The following CHN2 variants were observed in gnomAD, a reference collection of about 807,000 sequenced individuals.
CHN2 encodes the protein beta-chimaerin.
In CHN2, 35 loss-of-function variants were observed where a neutral mutation model predicts 56.3. The observed-to-expected ratio is 0.62, with a 90% CI of 0.47 to 0.82. The LOEUF is 0.82. CHN2 is among the 40% of genes least tolerant of loss of function. The pLI is 0.00. For synonymous variants in CHN2, 210 were observed against 212.8 expected (o/e 0.99, Z 0.12); for missense variants, 491 against 580.5 (o/e 0.85, Z 1.58).
At position 29,211,268 on chromosome 7, in the gene CHN2, T is replaced by C. The variant is rs553686664; in HGVS notation, c.49+16278T>C. Among the ~76,000 whole-genome samples the C allele has an allele frequency of 1.4e-4, 21 of 150,946 alleles. No individual in the cohort carries two copies. The East Asian group carries it at 2.9e-3, about 21-fold the overall frequency. Reference sequence around the variant, plus strand: ...TGTATTTTTTTTTTTTTAGTAGAGATGGGGTTTCACCATGTTAGCCGGGAT... The same window carrying C: ...TGTATTTTTTTTTTTTTAGTAGAGACGGGGTTTCACCATGTTAGCCGGGAT... On this transcript the variant is annotated intron_variant, in intron 1 of 12. Transcript: ENST00000222792.
intron 3 of CHN2, among the ~76,000 whole-genome samples, chr7:29,384,142 G>A (rs2128062027): frequency 6.6e-6 from 1 of 152,282 alleles, no homozygotes; most frequent in East Asian, 1.9e-4. Context: ...TAGGTGTGAT[G>A]AGTGTGATGA....
At chr7:29,457,912 A>G (rs1784884763) in intron 6 of CHN2, among the ~76,000 whole-genome samples, 1 of 152,184 alleles carries the variant, frequency 6.6e-6, no homozygotes, top group Non-Finnish European at 1.5e-5. Context: ...ATGCTTACCC[A>G]TGACTCAGTG....
chr7:29,204,099 G>A (rs984179610), intron 1 of CHN2, among the ~76,000 whole-genome samples: 57 of 151,484 alleles, frequency 3.8e-4, no homozygotes, highest in Admixed American at 1.7e-3. Context: ...GTGTGTGTGT[G>A]TGTGTGTGTG....
chr7:29,473,918 T>C (rs1786368352), intron 6 of CHN2, among the ~76,000 whole-genome samples: 1 of 152,162 alleles, frequency 6.6e-6, no homozygotes, highest in Non-Finnish European at 1.5e-5. Context: ...ATAATATACT[T>C]TAAAAATCAT....
chr7:29,326,258 A>C (rs771902720), intron 1 of CHN2, among the ~76,000 whole-genome samples: 2 of 152,140 alleles, frequency 1.3e-5, no homozygotes, highest in Non-Finnish European at 2.9e-5. Context: ...CCTGGGTTAA[A>C]GCGATTCTCC....
intron 7 of CHN2, 85 bp downstream of exon 7, chr7:29,480,441 G>A: frequency 3.0e-6 from 4 of 1,349,422 alleles, no homozygotes; most frequent in Non-Finnish European, 4.2e-6. Context: ...GTTTCTGACT[G>A]TAAAGTCAAG....
At chr7:29,430,323 G>C (rs1782748039) in intron 6 of CHN2, among the ~76,000 whole-genome samples, 1 of 152,174 alleles carries the variant, frequency 6.6e-6, no homozygotes, top group Non-Finnish European at 1.5e-5. Flanking sequence ...GAAGATTGCT[G>C]TTCCATCACA....
chr7:29,409,481 A>G (rs57991527), intron 6 of CHN2, among the ~76,000 whole-genome samples: 63,136 of 152,040 alleles, frequency 0.42, 13,345 homozygotes, highest in African/African-American at 0.48. Context: ...ATTTTTGTAA[A>G]TCTCTTTAGT....
chr7:29,348,344 C>T (rs1387819721), intron 1 of CHN2, among the ~76,000 whole-genome samples: 1 of 152,186 alleles, frequency 6.6e-6, no homozygotes, highest in Admixed American at 6.5e-5. Context: ...AAGTCTTAAC[C>T]TGCACTTCCA....
chr7:29,371,941 G>A (rs765615604), intron 3 of CHN2, among the ~76,000 whole-genome samples: 9 of 151,950 alleles, frequency 5.9e-5, no homozygotes, highest in Middle Eastern at 3.2e-3. Flanking sequence ...CCTCCCACCT[G>A]ATCTCCCTGC....
At chr7:29,306,070 C>T (rs1389523135) in intron 1 of CHN2, among the ~76,000 whole-genome samples, 1 of 152,126 alleles carries the variant, frequency 6.6e-6, no homozygotes. Flanking sequence ...ACAAGTATCT[C>T]AGGATGTTCC....
intron 1 of CHN2, chr7:29,200,822 A>G (rs963680692): frequency 6.6e-6 from 1 of 152,134 alleles, no homozygotes; most frequent in Non-Finnish European, 1.5e-5. Context: ...GGCCGGCCCT[A>G]TAGGTAGGGT....
chr7:29,461,919 C>T (rs1302076964), intron 6 of CHN2, among the ~76,000 whole-genome samples: 2 of 151,998 alleles, frequency 1.3e-5, no homozygotes, highest in Admixed American at 6.6e-5. Context: ...CTCATACATA[C>T]ATATAATAAA....
intron 1 of CHN2, among the ~76,000 whole-genome samples, chr7:29,222,888 T>C (rs1011855241): frequency 1.3e-5 from 2 of 152,124 alleles, no homozygotes; most frequent in Admixed American, 6.5e-5. Context: ...TGATATTGGC[T>C]CAAGGATACA....
chr7:29,324,420 A>C (rs906407310), intron 1 of CHN2, among the ~76,000 whole-genome samples: 1 of 152,210 alleles, frequency 6.6e-6, no homozygotes, highest in Non-Finnish European at 1.5e-5. Flanking sequence ...CGCTTGGCCC[A>C]AAAGCCCAGG....
At position 29,510,684 on chromosome 7, in the gene CHN2, A is replaced by AGTCT. The variant is rs1460594369; in HGVS notation, c.1235+1279_1235+1282dup. 1.4e-4 allele frequency among the ~76,000 whole-genome samples: 21 copies of AGTCT among 152,204 alleles called. 1 individual carries two copies. Among genetic ancestry groups the AGTCT allele is most frequent in the Admixed American group, 1.4e-3 (21 of 15,290 alleles). The stretch of plus-strand genomic sequence containing the variant: ...AGCAAGAGCACCCAATATGAGAGAC[A>AGTCT]GTCTTTTTGTAAGCTAATCTCAGAA... On this transcript the variant is annotated intron_variant, in intron 12 of 12. Coordinates refer to ENST00000222792, the MANE Select transcript of CHN2 (RefSeq NM_004067.4).
chr7:29,194,802 C>A lies in CHN2; in HGVS notation c.-140C>A. The A allele has an allele frequency of 1.5e-6, 1 of 649,064 alleles. No individual in the cohort carries two copies. The allele number at this position is 649,064 out of a possible 1,614,324, so 40.2% of individuals were successfully genotyped here. A position where few individuals can be genotyped will look rare whatever the true frequency, so the allele number is the denominator to read the frequency against. On this transcript the variant is annotated 5_prime_UTR_variant, in exon 1 of 13. Transcript: ENST00000222792. ...TGGAGCAGGAAGTGCAGGCAGAGTC[C>A]GGAGGCTGGTGCTTTCTGCGCGTCC... is the stretch of plus-strand genomic sequence containing the variant.
intron 6 of CHN2, among the ~76,000 whole-genome samples, chr7:29,473,766 G>A (rs888883205): frequency 5.9e-5 from 9 of 152,016 alleles, no homozygotes; most frequent in African/African-American, 2.2e-4. Context: ...AGATTTAGTT[G>A]TAGAATAGCT....
rs375120538 is a variant in CHN2, at chr7:29,482,797, C to CTTTTTTTTTTTTTTTTTT, written c.654+2466_654+2483dup. On this transcript the variant is annotated intron_variant, in intron 7 of 12. Transcript: ENST00000222792. ...TGCTAGGTGCTGTCTGCACTTTTTT[C>CTTTTTTTTTTTTTTTTTT]TTTTTTTTTTTTTTTTTTTTTTTTT... Among the ~76,000 whole-genome samples, 11 of 64,214 alleles carry CTTTTTTTTTTTTTTTTTT rather than the reference C, an allele frequency of 1.7e-4. 3 individuals are homozygous for CTTTTTTTTTTTTTTTTTT. The highest frequency in any genetic ancestry group is 2.0e-4 in the Non-Finnish European group (7 of 34,262). 42.1% of individuals were successfully genotyped at this position (64,214 alleles called of 152,430 possible).
Sources: gnomAD v4.1 joint callset for allele counts (sites outside exome capture counted in the v4.1 genomes callset) on GRCh38, gnomAD v4.1.1 for gene constraint, MANE v1.5 for transcripts, NCBI Gene and HGNC (gene_info 2026-07-23, HGNC 2026-07-21) for gene names.